CDH23: variants seen among roughly 807,000 people sequenced by gnomAD.
CDH23 encodes cadherin-23.
CDH23 carries 189 observed loss-of-function variants against 317.1 expected under a neutral mutation model. The ratio of observed to expected loss-of-function variants is 0.60; its 90% CI spans 0.53 to 0.67. The LOEUF is 0.67. Ranked by LOEUF, CDH23 falls within the 30% of genes least tolerant of loss-of-function variation. The pLI is 0.00. For synonymous variants in CDH23, 1,839 were observed against 1,876.8 expected, an observed-to-expected ratio of 0.98 and a Z score of 0.52; for missense variants, 4,401 against 4,592.4, an observed-to-expected ratio of 0.96 and a Z score of 1.20.
intron 29 of CDH23, among the ~76,000 whole-genome samples, chr10:71,724,507 T>C (rs1866720368): frequency 6.6e-6 from 1 of 152,236 alleles, no homozygotes; most frequent in South Asian, 2.1e-4. Context: ...TTTCACCGTG[T>C]TAGCCAGGAT....
At position 71,803,115 on chromosome 10, in the gene CDH23, G is replaced by A. The variant is rs775176370; in HGVS notation, c.7660+40G>A. The stretch of plus-strand genomic sequence containing the variant: ...TTGGACACCCATGATGTCTTGGGGG[G>A]TGGGAGGGGGAGGCCTGCCAGCCCA... On this transcript the variant is annotated intron_variant, in intron 54 of 69. Transcript: ENST00000224721. The A allele has an allele frequency of 1.9e-5, 31 of 1,600,276 alleles. No homozygotes were observed. In the Admixed American group the frequency reaches 4.9e-4, roughly 25 times the overall value.
At chr10:71,651,944 G>C (rs1863194653) in intron 14 of CDH23, among the ~76,000 whole-genome samples, 1 of 152,228 alleles carries the variant, frequency 6.6e-6, no homozygotes, top group South Asian at 2.1e-4. Flanking sequence ...AAGTGCTGAG[G>C]AAGGGTGGCA....
At chr10:71,432,891 C>T (rs1056365260) in intron 1 of CDH23, among the ~76,000 whole-genome samples, 2 of 152,118 alleles carry the variant, frequency 1.3e-5, no homozygotes, top group South Asian at 2.1e-4. Context: ...GCCAGAGGAC[C>T]GCCGAGGACC....
At chr10:71,457,297 G>T (rs780870832) in intron 3 of CDH23, among the ~76,000 whole-genome samples, 7 of 152,176 alleles carry the variant, frequency 4.6e-5, no homozygotes, top group Non-Finnish European at 8.8e-5. Flanking sequence ...TACTAGTTAG[G>T]TTACCTGCAC....
At chr10:71,709,049 G>C in intron 26 of CDH23, 49 bp from the exon 27 acceptor site, 2 of 1,558,718 alleles carry the variant, frequency 1.3e-6, no homozygotes, top group Non-Finnish European at 1.8e-6. Flanking sequence ...GCTTCCCCTG[G>C]CCGGGAGCTC....
intron 43 of CDH23, 95 bp from the exon 44 acceptor site, chr10:71,785,536 A>G (rs1841079814): frequency 1.2e-6 from 1 of 836,318 alleles, no homozygotes. Context: ...CTCTTAGGCA[A>G]TTTAGGGAGG....
chr10:71,603,194 G>A (rs966935847), intron 9 of CDH23, among the ~76,000 whole-genome samples: 3 of 152,126 alleles, frequency 2.0e-5, no homozygotes, highest in South Asian at 2.1e-4. Flanking sequence ...GACAGACAGC[G>A]CGTGCCCCCT....
chr10:71,737,799 T>C (rs1589387334), intron 34 of CDH23: 1 of 466,810 alleles, frequency 2.1e-6, no homozygotes. Context: ...GCCTTCACTC[T>C]CCTGCCTCTC....
At chr10:71,761,760 G>A in intron 38 of CDH23, 1 of 1,614,170 alleles carries the variant, frequency 6.2e-7, no homozygotes, top group Non-Finnish European at 8.5e-7. Context: ...TCCAGCCCGT[G>A]GCGCTGAGCC....
intron 3 of CDH23, among the ~76,000 whole-genome samples, chr10:71,473,127 AT>A (rs1290025642): frequency 1.3e-5 from 2 of 152,272 alleles, no homozygotes; most frequent in East Asian, 3.9e-4. Flanking sequence ...TCACTTGGCA[AT>A]AGCACAGTCA....
chr10:71,793,297 G>T lies in CDH23; in HGVS notation c.6369G>T (p.Gly2123=), dbSNP rs768035972. ...GCTTCCTCATTCATCTGGTCACCGG[G>T]GTCATCCGTGTTGGTAATGCCACCA... The part of the protein sequence containing the change: ...QDRFLIHLVT[G]VIRVGNATID... Residue 2123 remains glycine, a synonymous_variant, in exon 48 of 70, where the codon GGG becomes GGT. Transcript: ENST00000224721. 1 of 1,613,940 alleles carries T rather than the reference G, an allele frequency of 6.2e-7. No individual in the cohort carries two copies. The highest frequency in any genetic ancestry group is 1.1e-5 in the South Asian group (1 of 91,070).
At chr10:71,415,462 ACAATTTTT>A (rs1314637018) in intron 1 of CDH23, among the ~76,000 whole-genome samples, 1 of 152,228 alleles carries the variant, frequency 6.6e-6, no homozygotes, top group African/African-American at 2.4e-5. Flanking sequence ...TTTCAAAAAA[ACAATTTTT>A]CAGTTTTACT....
At chr10:71,527,833 A>AG (rs1158244360) in intron 6 of CDH23, among the ~76,000 whole-genome samples, 5 of 152,200 alleles carry the variant, frequency 3.3e-5, no homozygotes, top group East Asian at 1.9e-4. Context: ...TGCCTGCTGC[A>AG]GGGGACCCTT....
Position 71,511,230 on chromosome 10 carries a change from T to G in CDH23, c.429+18T>G. 6.2e-7 allele frequency: 1 copy of G among 1,607,062 alleles called. No individual in the cohort carries two copies. Among genetic ancestry groups the G allele is most frequent in the Non-Finnish European group, 8.5e-7 (1 of 1,173,826 alleles). ...TCCCTGAGGTAGGAGCCACTGGGGTTACCCTTGAGGGTATCAGAGACCTGC... is the reference window on the plus strand; with the variant it reads ...TCCCTGAGGTAGGAGCCACTGGGGTGACCCTTGAGGGTATCAGAGACCTGC... On this transcript the variant is annotated intron_variant, in intron 6 of 69. Transcript: ENST00000224721.
chr10:71,445,780 C>G (rs1850128217), intron 2 of CDH23, among the ~76,000 whole-genome samples: 1 of 147,308 alleles, frequency 6.8e-6, no homozygotes, highest in African/African-American at 2.5e-5. Flanking sequence ...CTTGGGTGGT[C>G]CGGCCTGCCG....
intron 1 of CDH23, among the ~76,000 whole-genome samples, chr10:71,415,993 C>T (rs1848517814): frequency 6.6e-6 from 1 of 152,132 alleles, no homozygotes; most frequent in East Asian, 1.9e-4. Context: ...TCAATTTTAT[C>T]AATGAGGTTA....
In CDH23 at chr10:71,446,346, C is replaced by A; in HGVS notation, c.96C>A (p.Thr32=). Residue 32 remains threonine (T), a synonymous_variant, in exon 3 of 70, where the codon ACC becomes ACA. Coordinates refer to ENST00000224721, the MANE Select transcript of CDH23 (RefSeq NM_022124.6). ...WGQVNRLPFF[T]NHFFDTYLLI... ...AGGTGAACCGGCTGCCCTTCTTCAC[C>A]AACCACTTCTTTGATACATACCTGC... 6.2e-7 allele frequency: 1 copy of A among 1,614,030 alleles called. No individual in the cohort carries two copies. The highest frequency in any genetic ancestry group is 1.1e-5 in the South Asian group (1 of 91,082).
At chr10:71,558,189 G>A (rs538273527) in intron 6 of CDH23, among the ~76,000 whole-genome samples, 1 of 152,062 alleles carries the variant, frequency 6.6e-6, no homozygotes, top group South Asian at 2.1e-4. Flanking sequence ...AGTAGAGACA[G>A]GGGTTTCACC....
At chr10:71,782,262 A>T (rs1010587169) in intron 41 of CDH23, among the ~76,000 whole-genome samples, 2 of 152,030 alleles carry the variant, frequency 1.3e-5, no homozygotes, top group Admixed American at 6.6e-5. Flanking sequence ...CATTCCTTGG[A>T]CCCCTTTCCT....
Sources: allele counts gnomAD v4.1 joint callset (sites outside exome capture counted in the v4.1 genomes callset), GRCh38; gene constraint gnomAD v4.1.1; transcripts MANE v1.5; gene names NCBI Gene and HGNC (gene_info 2026-07-23, HGNC 2026-07-21).